PCCA: variants seen among roughly 807,000 people sequenced by gnomAD.
PCCA encodes propionyl-CoA carboxylase alpha chain, mitochondrial.
A neutral mutation model predicts 101.3 loss-of-function variants in PCCA; 74 were observed. The ratio of observed to expected loss-of-function variants is 0.73; its 90% CI spans 0.61 to 0.89. The LOEUF is 0.89. Ranked by LOEUF, PCCA falls within the 40% of genes least tolerant of loss-of-function variation. The probability of loss-of-function intolerance (pLI) is 0.00; values close to 1 mark genes in which losing one functional copy is unlikely to be tolerated. For missense variants in PCCA, 891 were observed against 907.0 expected, an observed-to-expected ratio of 0.98 and a Z score of 0.23; for synonymous variants, 294 against 313.6, an observed-to-expected ratio of 0.94 and a Z score of 0.66.
chr13:100,443,208 CA>C (rs2080509899), intron 20 of PCCA, among the ~76,000 whole-genome samples: 2 of 152,084 alleles, frequency 1.3e-5, no homozygotes, highest in African/African-American at 4.8e-5. Flanking sequence ...GTGGTTATTA[CA>C]TTTTTAAATA....
chr13:100,223,773 A>G (rs2059961877), intron 7 of PCCA, among the ~76,000 whole-genome samples: 1 of 152,130 alleles, frequency 6.6e-6, no homozygotes, highest in Non-Finnish European at 1.5e-5. Context: ...CTAGACACAA[A>G]GGTTCTCCAC....
chr13:100,224,144 AG>A (rs944033309), intron 7 of PCCA, among the ~76,000 whole-genome samples: 2 of 152,074 alleles, frequency 1.3e-5, no homozygotes, highest in Non-Finnish European at 2.9e-5. Context: ...GAGCCCAGGG[AG>A]GGGGTGGGAG....
chr13:100,378,262 C>G (rs2076039234), intron 19 of PCCA, among the ~76,000 whole-genome samples: 1 of 152,138 alleles, frequency 6.6e-6, no homozygotes, highest in African/African-American at 2.4e-5. Flanking sequence ...CGATTCCATT[C>G]TCTCCTGGTA....
chr13:100,225,017 A>G (rs148344578), intron 7 of PCCA, among the ~76,000 whole-genome samples: 3 of 152,348 alleles, frequency 2.0e-5, no homozygotes, highest in Admixed American at 6.5e-5. Context: ...GAATAATTTC[A>G]TGCAGAAGAG....
chr13:100,378,971 G>A (rs2076074833), intron 19 of PCCA, among the ~76,000 whole-genome samples: 1 of 151,948 alleles, frequency 6.6e-6, no homozygotes, highest in Non-Finnish European at 1.5e-5. Context: ...GTATTCCTTT[G>A]GAGGTATCAT....
chr13:100,430,435 A>G (rs1368747419), intron 20 of PCCA, among the ~76,000 whole-genome samples: 1 of 152,160 alleles, frequency 6.6e-6, no homozygotes, highest in African/African-American at 2.4e-5. Flanking sequence ...CAACACTGTG[A>G]GCAGTATCTT....
At chr13:100,443,332 G>A (rs931047957) in intron 20 of PCCA, among the ~76,000 whole-genome samples, 1 of 152,010 alleles carries the variant, frequency 6.6e-6, no homozygotes, top group African/African-American at 2.4e-5. Flanking sequence ...GTGCATGCCT[G>A]TGGGTCCAGC....
intron 21 of PCCA, among the ~76,000 whole-genome samples, chr13:100,494,123 AGATTACAGT>A (rs2085102993): frequency 6.6e-6 from 1 of 151,936 alleles, no homozygotes; most frequent in Non-Finnish European, 1.5e-5. Flanking sequence ...CAGGAGGTGG[AGATTACAGT>A]GAGCTGAGAT....
At chr13:100,471,282 G>A (rs148500500) in intron 21 of PCCA, among the ~76,000 whole-genome samples, 2 of 152,292 alleles carry the variant, frequency 1.3e-5, no homozygotes, top group Non-Finnish European at 2.9e-5. Context: ...GGCACAGTTT[G>A]TGGTTCCCCA....
intron 19 of PCCA, among the ~76,000 whole-genome samples, chr13:100,387,149 A>G (rs564674295): frequency 6.6e-6 from 1 of 152,304 alleles, no homozygotes; most frequent in African/African-American, 2.4e-5. Flanking sequence ...AGCACTTCCA[A>G]CTCGGAGACA....
chr13:100,221,983 TG>T (rs2059843231), intron 7 of PCCA, among the ~76,000 whole-genome samples: 2 of 151,900 alleles, frequency 1.3e-5, no homozygotes, highest in African/African-American at 2.4e-5. Flanking sequence ...GTGATCCACC[TG>T]CCTTGGCTCC....
chr13:100,185,545 C>T (rs1566658765), intron 6 of PCCA, among the ~76,000 whole-genome samples: 1 of 152,108 alleles, frequency 6.6e-6, no homozygotes, highest in East Asian at 1.9e-4. Context: ...CAAGGTCTCA[C>T]CATGTTGCCC....
At chr13:100,504,914 C>T (rs1222712151) in intron 21 of PCCA, among the ~76,000 whole-genome samples, 1 of 151,508 alleles carries the variant, frequency 6.6e-6, no homozygotes, top group Admixed American at 6.6e-5. Flanking sequence ...GCCTGGGTGA[C>T]ACAGAGAGAG....
chr13:100,363,583 T>G (rs1365415657), intron 18 of PCCA, among the ~76,000 whole-genome samples: 3 of 152,204 alleles, frequency 2.0e-5, no homozygotes, highest in African/African-American at 7.2e-5. Context: ...GAAACTGACC[T>G]CAGTGGCCAT....
Position 100,257,535 on chromosome 13 carries a change from A to C in PCCA, c.638-60A>C. The C allele has an allele frequency of 2.7e-6, 3 of 1,131,112 alleles. No individual in the cohort carries two copies. The Admixed American group carries it at 5.3e-5, about 20-fold the overall frequency. The allele number at this position is 1,131,112 out of a possible 1,614,324, so 70.1% of individuals were successfully genotyped here. On this transcript the variant is annotated intron_variant, in intron 8 of 23. Coordinates refer to ENST00000376285, the MANE Select transcript of PCCA (RefSeq NM_000282.4). ...GTTATTGAACATGTGGTCAATTGTC[A>C]TGTTCATACATCCCAATGATCAAAG... is the stretch of plus-strand genomic sequence containing the variant.
intron 8 of PCCA, 52 bp downstream of exon 8, chr13:100,235,930 G>T: frequency 8.8e-7 from 1 of 1,135,258 alleles, no homozygotes; most frequent in South Asian, 1.2e-5. Context: ...CAGCAGATAC[G>T]GTTGAGTCAA....
rs1221171033 is a variant in PCCA, at chr13:100,440,187, TATATATATATATATATATATATAA to T, written c.1846-9063_1846-9040del. 1.1e-3 allele frequency among the ~76,000 whole-genome samples: 98 copies of T among 90,052 alleles called. 1 individual carries two copies. Among genetic ancestry groups the T allele is most frequent in the African/African-American group, 5.3e-3 (87 of 16,312 alleles). 59.1% of individuals were successfully genotyped at this position (90,052 alleles called of 152,430 possible). A position where few individuals can be genotyped will look rare whatever the true frequency, so the allele number is the denominator to read the frequency against. The stretch of plus-strand genomic sequence containing the variant: ...ATATATATATATATATATATATATA[TATATATATATATATATATATATAA>T]AACGTGATAACTTAAAATGCCCAGT... On this transcript the variant is annotated intron_variant, in intron 20 of 23. Coordinates refer to ENST00000376285, the MANE Select transcript of PCCA (RefSeq NM_000282.4).
At chr13:100,212,255 C>T (rs2059263272) in intron 7 of PCCA, among the ~76,000 whole-genome samples, 1 of 152,172 alleles carries the variant, frequency 6.6e-6, no homozygotes, top group African/African-American at 2.4e-5. Flanking sequence ...TATTGGAGGG[C>T]AACCATGTTC....
chr13:100,263,044 A>T (rs530638294), intron 10 of PCCA, among the ~76,000 whole-genome samples: 76 of 152,274 alleles, frequency 5.0e-4, no homozygotes, highest in African/African-American at 1.8e-3. Context: ...CGACCAGGCT[A>T]ATCTCCTTCC....
Sources: allele counts gnomAD v4.1 joint callset (sites outside exome capture counted in the v4.1 genomes callset), GRCh38; gene constraint gnomAD v4.1.1; transcripts MANE v1.5; gene names NCBI Gene and HGNC (gene_info 2026-07-23, HGNC 2026-07-21).